The following RANBP2 variants were observed in gnomAD, a reference collection of about 807,000 sequenced individuals.
RANBP2 encodes E3 SUMO-protein ligase RanBP2.
RANBP2 carries 57 observed loss-of-function variants against 303.6 expected under a neutral mutation model. The ratio of observed to expected loss-of-function variants is 0.19; its 90% CI spans 0.15 to 0.23. The LOEUF (loss-of-function observed/expected upper bound fraction) is 0.23, where lower values mean the gene tolerates loss of function less well. Ranked by LOEUF, RANBP2 falls within the 10% of genes least tolerant of loss-of-function variation. RANBP2 has a pLI of 1.00. For missense variants in RANBP2, 3,138 were observed against 3,780.8 expected, an observed-to-expected ratio of 0.83 and a Z score of 4.46; for synonymous variants, 1,167 against 1,301.5, an observed-to-expected ratio of 0.90 and a Z score of 2.23.
At chr2:108,839,048 A>T in the RANBP2 span, 6 of 905,420 alleles carry the variant, frequency 6.6e-6, no homozygotes, top group Non-Finnish European at 9.6e-6. Context: ...ATATAGTTTT[A>T]AAGTGAAGGT....
At chr2:109,027,807 A>G in the RANBP2 span, among the ~76,000 whole-genome samples, 2 of 152,110 alleles carry the variant, frequency 1.3e-5, no homozygotes, top group African/African-American at 4.8e-5. Context: ...CCTCCCCGCC[A>G]TGCGTCTTCC....
chr2:109,367,447 AGTT>A, the RANBP2 span, among the ~76,000 whole-genome samples: 3 of 151,616 alleles, frequency 2.0e-5, no homozygotes, highest in African/African-American at 7.3e-5. Context: ...ATGCCTGGCT[AGTT>A]GTTGTATTTT....
the RANBP2 span, among the ~76,000 whole-genome samples, chr2:109,485,425 T>G: frequency 1.3e-5 from 2 of 152,238 alleles, no homozygotes; most frequent in Non-Finnish European, 2.9e-5. Flanking sequence ...CAATTTTCCA[T>G]AACTTTTAAT....
the RANBP2 span, among the ~76,000 whole-genome samples, chr2:109,505,444 A>G: frequency 6.6e-6 from 1 of 152,224 alleles, no homozygotes; most frequent in African/African-American, 2.4e-5. Context: ...AGGCTAAGGC[A>G]GGAGGATTGC....
At chr2:109,496,037 A>G in the RANBP2 span, among the ~76,000 whole-genome samples, 2 of 152,192 alleles carry the variant, frequency 1.3e-5, no homozygotes, top group Non-Finnish European at 2.9e-5. Context: ...AAGCTTCCAC[A>G]TGGAAGGGGA....
chr2:108,986,997 C>T, the RANBP2 span, among the ~76,000 whole-genome samples: 5 of 152,240 alleles, frequency 3.3e-5, no homozygotes, highest in South Asian at 1.0e-3. Context: ...AACGAGCAGG[C>T]AGGTGTCATC....
the RANBP2 span, among the ~76,000 whole-genome samples, chr2:108,888,006 G>C: frequency 6.6e-6 from 1 of 152,068 alleles, no homozygotes; most frequent in Non-Finnish European, 1.5e-5. Flanking sequence ...CTGTGGGCTT[G>C]TCATAGCCTT....
the RANBP2 span, among the ~76,000 whole-genome samples, chr2:109,008,154 C>G: frequency 6.6e-6 from 1 of 152,170 alleles, no homozygotes; most frequent in Non-Finnish European, 1.5e-5. Context: ...ACCTCATGTA[C>G]CTTGCTTATG....
the RANBP2 span, among the ~76,000 whole-genome samples, chr2:109,656,215 G>C: frequency 0.017 from 2,583 of 152,298 alleles, 91 homozygotes; most frequent in African/African-American, 0.059. Flanking sequence ...GCATGGCAGA[G>C]AGCCTCTCTG....
At chr2:108,809,271 T>A in the RANBP2 span, among the ~76,000 whole-genome samples, 1 of 152,218 alleles carries the variant, frequency 6.6e-6, no homozygotes, top group Non-Finnish European at 1.5e-5. Context: ...TTTTGTTGTT[T>A]TCGCACAGGA....
At chr2:109,454,835 G>A in the RANBP2 span, among the ~76,000 whole-genome samples, 1 of 151,994 alleles carries the variant, frequency 6.6e-6, no homozygotes, top group Non-Finnish European at 1.5e-5. Flanking sequence ...AAGGCACCTG[G>A]TGATGATTGT....
chr2:109,557,097 C>G, the RANBP2 span, among the ~76,000 whole-genome samples: 1 of 151,766 alleles, frequency 6.6e-6, no homozygotes, highest in Admixed American at 6.6e-5. Flanking sequence ...GTGCAGCACA[C>G]CAACATGGCA....
Position 108,753,827 on chromosome 2 carries a change from T to A in RANBP2, c.2058T>A (p.Ile686=). 1 of 1,611,954 alleles carries A rather than the reference T, an allele frequency of 6.2e-7. No homozygotes were observed. The highest frequency in any genetic ancestry group is 8.5e-7 in the Non-Finnish European group (1 of 1,179,844). The change falls in exon 15 of 29, where the codon ATT becomes ATA. Residue 686 remains isoleucine, a splice_region_variant and synonymous_variant. Coordinates refer to ENST00000283195, the MANE Select transcript of RANBP2 (RefSeq NM_006267.5). The stretch of plus-strand genomic sequence containing the variant: ...TCATAAAAGCACTATTTGTATAGAT[T>A]TTTCACAGGAAGGCAGAAGACATTG... The part of the protein sequence containing the change: ...SVVSYWNLAL[I]FHRKAEDIEN...
At chr2:109,627,616 A>G in the RANBP2 span, among the ~76,000 whole-genome samples, 2 of 152,228 alleles carry the variant, frequency 1.3e-5, no homozygotes, top group African/African-American at 2.4e-5. Flanking sequence ...AGAACAAGAT[A>G]GGAAACATCA....
chr2:109,398,317 T>C, the RANBP2 span, among the ~76,000 whole-genome samples: 3 of 152,256 alleles, frequency 2.0e-5, no homozygotes, highest in East Asian at 1.9e-4. Context: ...GTTGAAAAGA[T>C]TGGGGCGACA....
the RANBP2 span, among the ~76,000 whole-genome samples, chr2:108,971,186 T>A: frequency 6.6e-6 from 1 of 152,198 alleles, no homozygotes; most frequent in African/African-American, 2.4e-5. Flanking sequence ...CGTCTCCAAC[T>A]GGATTCCTTG....
the RANBP2 span, among the ~76,000 whole-genome samples, chr2:109,404,439 G>T: frequency 6.6e-6 from 1 of 152,212 alleles, no homozygotes; most frequent in Non-Finnish European, 1.5e-5. Flanking sequence ...TCGAGACTGG[G>T]AGTCTCAGCA....
the RANBP2 span, among the ~76,000 whole-genome samples, chr2:109,425,698 GAA>G: frequency 6.6e-6 from 1 of 151,590 alleles, no homozygotes; most frequent in East Asian, 1.9e-4. Context: ...CTACTGCTCA[GAA>G]AAAAAAGATT....
At chr2:109,129,652 A>G in the RANBP2 span, 2 of 1,501,110 alleles carry the variant, frequency 1.3e-6, no homozygotes, top group East Asian at 2.7e-5. Context: ...GGCGGCGGCC[A>G]CCGCCGCGGG....
Sources: gnomAD v4.1 joint callset for allele counts (sites outside exome capture counted in the v4.1 genomes callset) on GRCh38, gnomAD v4.1.1 for gene constraint, MANE v1.5 for transcripts, NCBI Gene and HGNC (gene_info 2026-07-23, HGNC 2026-07-21) for gene names.